Variants in RMI1 observed in about 807,000 individuals in gnomAD.
RMI1 encodes the protein recQ-mediated genome instability protein 1.
RMI1 carries 36 observed loss-of-function variants against 46.7 expected under a neutral mutation model. The ratio of observed to expected loss-of-function variants is 0.77; its 90% confidence interval spans 0.59 to 1.02. The LOEUF (loss-of-function observed/expected upper bound fraction) is 1.02, where lower values mean the gene tolerates loss of function less well. Ranked by LOEUF, RMI1 falls within the 50% of genes least tolerant of loss-of-function variation. RMI1 has a pLI of 0.00. For synonymous variants in RMI1, 250 were observed against 252.9 expected (o/e 0.99, Z 0.11); for missense variants, 676 against 713.7 (o/e 0.95, Z 0.60).
Position 83,998,269 on chromosome 9 carries a change from T to C in RMI1, c.-125-1440T>C, listed in dbSNP as rs149460691. Among the ~76,000 whole-genome samples, 44 of 152,354 alleles carry C rather than the reference T, an allele frequency of 2.9e-4. 1 individual carries two copies. The East Asian group carries it at 6.7e-3, about 23-fold the overall frequency. ...TTTTTACATATAGTTTAAAAAATGT[T>C]TATACTCTCATTTTCTTTAATATAA... On this transcript the variant is annotated intron_variant, in intron 1 of 2. Transcript: ENST00000445877.
At chr9:83,990,901 G>C (rs1278350297) in intron 1 of RMI1, among the ~76,000 whole-genome samples, 1 of 152,000 alleles carries the variant, frequency 6.6e-6, no homozygotes, top group Non-Finnish European at 1.5e-5. Context: ...CCCGCCTCCT[G>C]GGTTCAAGAA....
At position 83,982,507 on chromosome 9, in the gene RMI1, C is replaced by CA. The variant is rs755819418; in HGVS notation, c.-126+1627dup. 2.3e-3 allele frequency among the ~76,000 whole-genome samples: 331 copies of CA among 143,476 alleles called. 3 individuals are homozygous for CA. Among genetic ancestry groups the CA allele is most frequent in the East Asian group, 0.017 (83 of 4,960 alleles). 94.1% of individuals were successfully genotyped at this position (143,476 alleles called of 152,430 possible). ...TGAAACCCCGTCTCTACTAAAAAGA[C>CA]AAAAAAAAAAATTAGCCGGGTGTGG... On this transcript the variant is annotated intron_variant, in intron 1 of 2. Coordinates refer to ENST00000445877, the MANE Select transcript of RMI1 (RefSeq NM_001358291.2).
At chr9:83,989,843 G>A (rs1216228064) in intron 1 of RMI1, among the ~76,000 whole-genome samples, 1 of 152,084 alleles carries the variant, frequency 6.6e-6, no homozygotes, top group Non-Finnish European at 1.5e-5. Context: ...TCACCACAAA[G>A]TATAAACTAA....
At chr9:83,994,523 A>G (rs938089006) in intron 1 of RMI1, among the ~76,000 whole-genome samples, 4 of 152,180 alleles carry the variant, frequency 2.6e-5, no homozygotes, top group Non-Finnish European at 5.9e-5. Context: ...GGGCATGTCC[A>G]GTTTTCTCAA....
At chr9:83,989,023 A>C (rs1430727738) in intron 1 of RMI1, among the ~76,000 whole-genome samples, 1 of 151,816 alleles carries the variant, frequency 6.6e-6, no homozygotes, top group Non-Finnish European at 1.5e-5. Flanking sequence ...TGCCCACCTA[A>C]TTTTGTTTAT....
chr9:83,981,649 A>G (rs1957400028), intron 1 of RMI1, among the ~76,000 whole-genome samples: 1 of 152,170 alleles, frequency 6.6e-6, no homozygotes, highest in Non-Finnish European at 1.5e-5. Flanking sequence ...TCCGCCCACA[A>G]TCCCAAACTC....
chr9:83,992,086 A>T (rs1338088264), intron 1 of RMI1, among the ~76,000 whole-genome samples: 8 of 152,332 alleles, frequency 5.3e-5, no homozygotes, highest in Admixed American at 3.3e-4. Context: ...CTAAAACCTT[A>T]ACCAGGTAAA....
intron 1 of RMI1, chr9:83,992,997 C>T (rs571244565): frequency 1.3e-5 from 2 of 151,866 alleles, no homozygotes; most frequent in East Asian, 3.9e-4. Context: ...TTCTTTATTC[C>T]TTCTCCATTT....
Position 84,002,886 on chromosome 9 carries a change from AAC to A in RMI1, c.*24_*25del. 7.9e-7 allele frequency: 1 copy of A among 1,268,112 alleles called. No homozygotes were observed. Among genetic ancestry groups the A allele is most frequent in the Non-Finnish European group, 1.1e-6 (1 of 917,516 alleles). The allele number at this position is 1,268,112 out of a possible 1,614,324, so 78.6% of individuals were successfully genotyped here. A position where few individuals can be genotyped will look rare whatever the true frequency, so the allele number is the denominator to read the frequency against. ...ATAATTAAACTAAAATAGTATTAGG[AAC>A]AATTAAAAACAACAAGGAAATATTT... On this transcript the variant is annotated 3_prime_UTR_variant, in exon 3 of 3. Coordinates refer to ENST00000445877, the MANE Select transcript of RMI1 (RefSeq NM_001358291.2).
intron 1 of RMI1, among the ~76,000 whole-genome samples, chr9:83,999,019 T>C (rs1957699551): frequency 1.3e-5 from 2 of 151,974 alleles, no homozygotes; most frequent in African/African-American, 4.8e-5. Context: ...CACACACCTG[T>C]AGTCCCAGCT....
chr9:83,995,617 G>A (rs748253258), intron 1 of RMI1, among the ~76,000 whole-genome samples: 16 of 151,796 alleles, frequency 1.1e-4, no homozygotes, highest in South Asian at 2.1e-4. Flanking sequence ...TGGTAGAGAC[G>A]GGGTTTCACC....
rs1051664744 is a variant in RMI1 at position 83,993,645 on chromosome 9, T to C, written c.-125-6064T>C. On this transcript the variant is annotated intron_variant, in intron 1 of 2. Coordinates refer to ENST00000445877, the MANE Select transcript of RMI1 (RefSeq NM_001358291.2). The stretch of plus-strand genomic sequence containing the variant: ...TTTCCCACATCCTCTCCAATACTTG[T>C]TATTTTCTGGTTTTTTGATATTGGC... Among the ~76,000 whole-genome samples, 9 of 152,328 alleles carry C rather than the reference T, an allele frequency of 5.9e-5. No individual in the cohort carries two copies. In the East Asian group the frequency reaches 1.7e-3, roughly 29 times the overall value.
At position 84,002,862 on chromosome 9, in the gene RMI1, T is replaced by G. The variant is rs1192079886; in HGVS notation, c.1876T>G (p.Ter626GluextTer3). The G allele has an allele frequency of 6.8e-7, 1 of 1,470,952 alleles. No homozygotes were observed. Among genetic ancestry groups the G allele is most frequent in the Non-Finnish European group, 9.3e-7 (1 of 1,079,546 alleles). 91.1% of individuals were successfully genotyped at this position (1,470,952 alleles called of 1,614,324 possible). A position where few individuals can be genotyped will look rare whatever the true frequency, so the allele number is the denominator to read the frequency against. Residue 626 changes from the stop codon to glutamate (E), a stop_lost, in exon 3 of 3, where the codon TAA becomes GAA. Transcript: ENST00000445877. ...LENLKKRLNK[*>E] ...GAATCTAAAGAAGCGGTTAAATAAA[T>G]AATTAAACTAAAATAGTATTAGGAA...
At chr9:83,992,411 A>T (rs1957588040) in intron 1 of RMI1, among the ~76,000 whole-genome samples, 1 of 152,104 alleles carries the variant, frequency 6.6e-6, no homozygotes, top group African/African-American at 2.4e-5. Context: ...GCTTAGGTAC[A>T]CTAGGTAGCA....
At chr9:83,992,341 C>G (rs534619876) in intron 1 of RMI1, among the ~76,000 whole-genome samples, 2 of 152,130 alleles carry the variant, frequency 1.3e-5, no homozygotes, top group African/African-American at 4.8e-5. Flanking sequence ...GTAACTCATG[C>G]CTGAATAAGC....
Position 84,001,512 on chromosome 9 carries a change from C to T in RMI1, c.526C>T (p.Arg176Cys), listed in dbSNP as rs768068417. 8.7e-6 allele frequency: 14 copies of T among 1,613,666 alleles called. No homozygotes were observed. The highest frequency in any genetic ancestry group is 2.7e-5 in the African/African-American group (2 of 74,882). ...KILIYGNISF[R>C]LGVLLLKPEN... Reference sequence around the variant, plus strand: ...TTTGATTTATGGAAATATATCTTTCCGTCTTGGTGTTCTCTTATTGAAACC... The same window carrying T: ...TTTGATTTATGGAAATATATCTTTCTGTCTTGGTGTTCTCTTATTGAAACC... The change falls in exon 3 of 3, where the codon CGT (arginine) becomes TGT (cysteine). Residue 176 changes from arginine (R) to cysteine (C), a missense_variant. Physicochemically the swap from Arg to Cys is radical, Grantham distance 180. Transcript: ENST00000445877.
At chr9:83,998,995 G>A (rs954527839) in intron 1 of RMI1, among the ~76,000 whole-genome samples, 1 of 152,018 alleles carries the variant, frequency 6.6e-6, no homozygotes, top group Non-Finnish European at 1.5e-5. Context: ...ACAAAAAGTA[G>A]CCAGGTGTGG....
At chr9:83,993,966 T>G (rs1957613069) in intron 1 of RMI1, among the ~76,000 whole-genome samples, 1 of 109,976 alleles carries the variant, frequency 9.1e-6, no homozygotes, top group Non-Finnish European at 2.0e-5. Flanking sequence ...TTTTTTTTTG[T>G]AGAGATGGGG....
intron 1 of RMI1, among the ~76,000 whole-genome samples, chr9:83,981,512 T>C (rs1431468805): frequency 6.6e-6 from 1 of 152,216 alleles, no homozygotes; most frequent in African/African-American, 2.4e-5. Context: ...TTAAGGCTCC[T>C]GTGCCAAGCT....
Sources: allele counts gnomAD v4.1 joint callset (sites outside exome capture counted in the v4.1 genomes callset), GRCh38; gene constraint gnomAD v4.1.1; transcripts MANE v1.5; gene names NCBI Gene and HGNC (gene_info 2026-07-23, HGNC 2026-07-21).